The following PDE4B variants were observed in gnomAD, a reference collection of about 807,000 sequenced individuals.
The protein encoded by PDE4B is phosphodiesterase 4B, also known as 3',5'-cyclic-AMP phosphodiesterase 4B.
In PDE4B, 20 loss-of-function variants were observed where a neutral mutation model predicts 82.2. That is an observed-to-expected ratio of 0.24 (90% CI 0.17 to 0.35). The LOEUF is 0.35. Among genes scored for constraint, PDE4B ranks in the 10% least tolerant of loss-of-function variants. The pLI is 1.00. For synonymous variants in PDE4B, 320 were observed against 318.9 expected (o/e 1.00, Z -0.04); for missense variants, 655 against 907.2 (o/e 0.72, Z 3.57).
intron 1 of PDE4B, among the ~76,000 whole-genome samples, chr1:65,814,464 A>G (rs1421620417): frequency 6.6e-6 from 1 of 152,188 alleles, no homozygotes; most frequent in Non-Finnish European, 1.5e-5. Flanking sequence ...TTATTGAGAT[A>G]CTGCTTAAGT....
chr1:66,372,668 T>G lies in PDE4B; in HGVS notation c.2201T>G (p.Val734Gly). The G allele has an allele frequency of 6.2e-7, 1 of 1,611,548 alleles. No individual in the cohort carries two copies. Among genetic ancestry groups the G allele is most frequent in the South Asian group, 1.1e-5 (1 of 90,854 alleles). The change falls in exon 17 of 17, where the codon GTG becomes GGG. Residue 734 changes from valine to glycine, a missense_variant. Coordinates refer to ENST00000341517, the MANE Select transcript of PDE4B (RefSeq NM_002600.4). ...ATTGCAACAGAAGACAAGTCCCCCG[T>G]GGATACATAATCCCCCTCTCCCTGT... ...IDIATEDKSP[V>G]DT
At chr1:65,962,958 TC>T (rs1203231923) in intron 3 of PDE4B, among the ~76,000 whole-genome samples, 2 of 152,034 alleles carry the variant, frequency 1.3e-5, no homozygotes, top group Non-Finnish European at 1.5e-5. Context: ...AACAACTGGG[TC>T]CCCAGGAAAC....
intron 3 of PDE4B, 40 bp downstream of exon 3, chr1:65,918,875 A>G: frequency 1.6e-6 from 2 of 1,217,236 alleles, no homozygotes; most frequent in Non-Finnish European, 2.4e-6. Flanking sequence ...CTAAATTTTT[A>G]TTTTCCAATT....
rs3036785 is a variant in PDE4B at position 66,122,703 on chromosome 1, CTTTTTTT to C, written c.282-124744_282-124738del. On this transcript the variant is annotated intron_variant, in intron 3 of 16. Transcript: ENST00000341517. ...AGGATTTTTTTCTTTCTCTTCTTTTCTTTTTTTTTTTTTTTTTTTGAGACAGAGTTTT... is the reference window on the plus strand; with the variant it reads ...AGGATTTTTTTCTTTCTCTTCTTTTCTTTTTTTTTTTTGAGACAGAGTTTT... Among the ~76,000 whole-genome samples, 6 of 111,966 alleles carry C rather than the reference CTTTTTTT, an allele frequency of 5.4e-5. No individual in the cohort carries two copies. In the East Asian group the frequency reaches 7.5e-4, roughly 14 times the overall value. 73.5% of individuals were successfully genotyped at this position (111,966 alleles called of 152,430 possible).
chr1:66,354,789 C>A, intron 8 of PDE4B: 1 of 1,534,190 alleles, frequency 6.5e-7, no homozygotes, highest in South Asian at 1.2e-5. Context: ...ATTGCTCTCT[C>A]AGAACTGTGA....
chr1:66,316,135 T>G (rs536845265), intron 7 of PDE4B, among the ~76,000 whole-genome samples: 1 of 152,358 alleles, frequency 6.6e-6, no homozygotes, highest in South Asian at 2.1e-4. Flanking sequence ...GTAAATTCAA[T>G]TTAGTAAATG....
At chr1:65,994,202 T>G (rs981341551) in intron 3 of PDE4B, among the ~76,000 whole-genome samples, 2 of 152,220 alleles carry the variant, frequency 1.3e-5, no homozygotes, top group African/African-American at 4.8e-5. Context: ...TCACTTGAAT[T>G]ATTTTCTACT....
At chr1:65,933,422 G>A (rs1474379061) in intron 3 of PDE4B, among the ~76,000 whole-genome samples, 2 of 152,214 alleles carry the variant, frequency 1.3e-5, no homozygotes, top group Admixed American at 1.3e-4. Context: ...GCTGGGCGCT[G>A]TGGCTCATGC....
chr1:66,114,922 C>T (rs534951388), intron 3 of PDE4B, among the ~76,000 whole-genome samples: 3 of 152,266 alleles, frequency 2.0e-5, no homozygotes, highest in African/African-American at 7.2e-5. Context: ...AGGGGTGAGC[C>T]ACCACACCCA....
chr1:66,152,549 A>G (rs1376463213), intron 3 of PDE4B: 15 of 286,860 alleles, frequency 5.2e-5, no homozygotes, highest in Non-Finnish European at 1.2e-4. Context: ...ATATGTACAT[A>G]TATATAAAAT....
intron 10 of PDE4B, 142 bp from the exon 11 acceptor site, chr1:66,363,026 T>G: frequency 1.7e-6 from 1 of 584,444 alleles, no homozygotes; most frequent in Non-Finnish European, 3.1e-6. Context: ...TCATTTAACT[T>G]TCAGATTTTC....
chr1:66,212,630 A>T (rs1301295439), intron 3 of PDE4B, among the ~76,000 whole-genome samples: 1 of 152,154 alleles, frequency 6.6e-6, no homozygotes, highest in Non-Finnish European at 1.5e-5. Flanking sequence ...CCCCACCAGA[A>T]TGTTAACTCC....
At position 65,910,398 on chromosome 1, in the gene PDE4B, T is replaced by C. The variant is rs546539890; in HGVS notation, c.-70-2847T>C. On this transcript the variant is annotated intron_variant, in intron 1 of 16. Transcript: ENST00000341517. ...TACTCATTTATTCTTTCAATACTTA[T>C]TTATTGAGACTTGCTTGTGTCAGTC... Among the ~76,000 whole-genome samples, 20 of 152,314 alleles carry C rather than the reference T, an allele frequency of 1.3e-4. No homozygotes were observed. In the East Asian group the frequency reaches 3.7e-3, roughly 28 times the overall value.
intron 3 of PDE4B, among the ~76,000 whole-genome samples, chr1:66,222,572 A>G (rs1053788056): frequency 2.0e-5 from 3 of 152,248 alleles, no homozygotes; most frequent in African/African-American, 7.2e-5. Flanking sequence ...AGGAGAAGAT[A>G]AAAGTTTTAA....
chr1:66,355,620 G>A lies in PDE4B; in HGVS notation c.841G>A (p.Asp281Asn). 1 of 1,581,916 alleles carries A rather than the reference G, an allele frequency of 6.3e-7. No homozygotes were observed. The highest frequency in any genetic ancestry group is 8.7e-7 in the Non-Finnish European group (1 of 1,151,788). The change falls in exon 9 of 17, where the codon GAC becomes AAC. Residue 281 changes from aspartate (D) to asparagine (N), a missense_variant and splice_region_variant. Asp to Asn is a conservative substitution (Grantham distance 23). Coordinates refer to ENST00000341517, the MANE Select transcript of PDE4B (RefSeq NM_002600.4). ...TGAATACATTTCAAATACTTTCTTA[G>A]GTAAGATATTAACTGGGAAAAACCT... The part of the protein sequence containing the change: ...VSEYISNTFL[D>N]KQNDVEIPSP...
At chr1:66,339,561 A>G (rs1057306549) in intron 8 of PDE4B, among the ~76,000 whole-genome samples, 2 of 152,224 alleles carry the variant, frequency 1.3e-5, no homozygotes, top group African/African-American at 4.8e-5. Flanking sequence ...ACAAACAGAA[A>G]TGAAGAGGAC....
intron 1 of PDE4B, among the ~76,000 whole-genome samples, chr1:65,879,230 G>T (rs1646683252): frequency 6.6e-6 from 1 of 152,106 alleles, no homozygotes. Flanking sequence ...AAGCAGGGAA[G>T]GGAAAAGAGT....
intron 3 of PDE4B, among the ~76,000 whole-genome samples, chr1:66,023,006 G>T (rs556140193): frequency 6.6e-6 from 1 of 151,972 alleles, no homozygotes; most frequent in African/African-American, 2.4e-5. Context: ...GTCTATTCAG[G>T]GATTCAACTT....
rs534723795 is a variant in PDE4B, at chr1:65,814,369, A to G, written c.-71+21121A>G. Among the ~76,000 whole-genome samples, 695 of 152,346 alleles carry G rather than the reference A, an allele frequency of 4.6e-3. 5 individuals carry two copies. The highest frequency in any genetic ancestry group is 0.016 in the African/African-American group (663 of 41,574). ...AAATTTATGAAGATGAAATACATTGATAAAAGATGAATGTAATATATATAT... is the reference window on the plus strand; with the variant it reads ...AAATTTATGAAGATGAAATACATTGGTAAAAGATGAATGTAATATATATAT... On this transcript the variant is annotated intron_variant, in intron 1 of 16. Coordinates refer to ENST00000341517, the MANE Select transcript of PDE4B (RefSeq NM_002600.4).
Sources: allele counts gnomAD v4.1 joint callset (sites outside exome capture counted in the v4.1 genomes callset), GRCh38; gene constraint gnomAD v4.1.1; transcripts MANE v1.5; gene names NCBI Gene and HGNC (gene_info 2026-07-23, HGNC 2026-07-21).